Variants in C8G observed in about 807,000 individuals in gnomAD.
The protein encoded by C8G is complement component C8 gamma chain.
A neutral mutation model predicts 29.1 loss-of-function variants in C8G; 38 were observed. The observed-to-expected ratio is 1.31, with a 90% CI of 1.01 to 1.71. The LOEUF (loss-of-function observed/expected upper bound fraction) is 1.71. Ranked by LOEUF, C8G falls within the 40% of genes most tolerant of loss-of-function variation. The probability of loss-of-function intolerance (pLI) is 0.00; values close to 1 mark genes in which losing one functional copy is unlikely to be tolerated. For missense variants in C8G, 300 were observed against 267.4 expected (o/e 1.12, Z -0.85); for synonymous variants, 158 against 113.2 (o/e 1.40, Z -2.51).
intron 4 of C8G, 116 bp from the exon 5 acceptor site, chr9:136,946,349 G>T (rs1403805941): frequency 7.0e-7 from 1 of 1,427,306 alleles, no homozygotes; most frequent in Admixed American, 2.7e-5. Context: ...TGACAGACAG[G>T]CCTGGTGTGG....
chr9:136,945,390 C>T lies in C8G; in HGVS notation c.70C>T (p.Gln24Ter). 6.2e-7 allele frequency: 1 copy of T among 1,611,736 alleles called. No homozygotes were observed. Among genetic ancestry groups the T allele is most frequent in the Non-Finnish European group, 8.5e-7 (1 of 1,179,506 alleles). The stretch of plus-strand genomic sequence containing the variant: ...AGCTGGCTCGCTGGGCCAGAAGCCT[C>T]AGAGGCCACGCCGGCCCGCATCCCC... ...LAAGSLGQKP[Q>*]RPRRPASPIS... The change falls in exon 1 of 7, where the codon CAG (glutamine) becomes TAG (stop). Residue 24 changes from glutamine (Q) to a stop codon, truncating the protein, a stop_gained. Coordinates refer to ENST00000371634, the MANE Select transcript of C8G (RefSeq NM_000606.3). LOFTEE classifies it high-confidence loss of function.
rs192242056 is a variant in C8G at position 136,945,470 on chromosome 9, G to T, written c.138+12G>T. The T allele has an allele frequency of 4.3e-5, 67 of 1,561,756 alleles. No individual in the cohort carries two copies. Among genetic ancestry groups the T allele is most frequent in the Admixed American group, 1.9e-5 (1 of 52,118 alleles). On this transcript the variant is annotated intron_variant, in intron 1 of 6. Transcript: ENST00000371634. ...TTGATGCTCAGCAGGTAGAAGTTGG[G>T]GGGGGTAGAGGGAGGCAGGTAGAAG...
rs767436950 is a variant in C8G, at chr9:136,945,703, G to C, written c.208G>C (p.Ala70Pro). 5 of 1,593,538 alleles carry C rather than the reference G, an allele frequency of 3.1e-6. No homozygotes were observed. The South Asian group carries it at 5.6e-5, about 18-fold the overall frequency. Residue 70 changes from alanine (A) to proline (P), a missense_variant, in exon 2 of 7, where the codon GCC becomes CCC. Ala to Pro is a conservative substitution (Grantham distance 27). Transcript: ENST00000371634. ...CRFLQEQGHR[A>P]EATTLHVAPQ... The stretch of plus-strand genomic sequence containing the variant: ...TTTCCTGCAGGAGCAGGGCCACCGG[G>C]CCGAGGCCACCACACTGCATGTGGC...
Position 136,945,402 on chromosome 9 carries a change from C to G in C8G, c.82C>G (p.Arg28Gly). The G allele has an allele frequency of 6.9e-6, 11 of 1,605,510 alleles. No individual in the cohort carries two copies. Among genetic ancestry groups the G allele is most frequent in the Non-Finnish European group, 8.5e-6 (10 of 1,176,678 alleles). Residue 28 changes from arginine (R) to glycine (G), a missense_variant, in exon 1 of 7, where the codon CGG becomes GGG. Transcript: ENST00000371634. Reference sequence around the variant, plus strand: ...GGGCCAGAAGCCTCAGAGGCCACGCCGGCCCGCATCCCCCATCAGCACCAT... The same window carrying G: ...GGGCCAGAAGCCTCAGAGGCCACGCGGGCCCGCATCCCCCATCAGCACCAT... The part of the protein sequence containing the change: ...SLGQKPQRPR[R>G]PASPISTIQP...
chr9:136,945,600 A>G (rs1425328912), intron 1 of C8G, 34 bp from the exon 2 acceptor site: 1 of 1,599,456 alleles, frequency 6.3e-7, no homozygotes. Flanking sequence ...GCCCTCCCAC[A>G]GTGCCCTCGA....
In C8G at chr9:136,946,815, T is replaced by G. The variant is rs376631714; in HGVS notation, c.*34T>G. 1,063 of 1,552,098 alleles carry G rather than the reference T, an allele frequency of 6.8e-4. 1 individual carries two copies. The highest frequency in any genetic ancestry group is 9.4e-4 in the Admixed American group (49 of 52,312). ...CACAGCTCCAGTGCTGAGAAGTCAGTGCCCCGAGAGACGACCCCACCAGTG... is the reference window on the plus strand; with the variant it reads ...CACAGCTCCAGTGCTGAGAAGTCAGGGCCCCGAGAGACGACCCCACCAGTG... On this transcript the variant is annotated 3_prime_UTR_variant, in exon 7 of 7. Coordinates refer to ENST00000371634, the MANE Select transcript of C8G (RefSeq NM_000606.3).
rs928873430 is a variant in C8G at position 136,945,745 on chromosome 9, A to G, written c.250A>G (p.Met84Val). ...GCATGTGGCTCCCCAGGGCACAGCC[A>G]TGGCTGTCAGTACCTTCCGAAAGCT... ...TLHVAPQGTAMAVSTFRKLDG... is the reference protein window; with the variant it reads ...TLHVAPQGTAVAVSTFRKLDG... Residue 84 changes from methionine (M) to valine (V), a missense_variant, in exon 2 of 7, where the codon ATG becomes GTG. Physicochemically the swap from Met to Val is conservative, Grantham distance 21. Transcript: ENST00000371634. The G allele has an allele frequency of 1.3e-6, 2 of 1,565,466 alleles. No individual in the cohort carries two copies. Among genetic ancestry groups the G allele is most frequent in the East Asian group, 2.4e-5 (1 of 42,460 alleles).
chr9:136,946,331 G>A (rs2131368044), intron 4 of C8G, 134 bp from the exon 5 acceptor site: 1 of 1,394,960 alleles, frequency 7.2e-7, no homozygotes, highest in Non-Finnish European at 9.7e-7. Context: ...CAGGGGCCCA[G>A]GGAGTAGTGA....
At chr9:136,945,602 T>G (rs1322716459) in intron 1 of C8G, 32 bp from the exon 2 acceptor site, 2 of 1,600,208 alleles carry the variant, frequency 1.2e-6, no homozygotes, top group South Asian at 2.2e-5. Context: ...CCTCCCACAG[T>G]GCCCTCGAGT....
intron 3 of C8G, 27 bp downstream of exon 3, chr9:136,946,026 G>T (rs1405363228): frequency 6.3e-7 from 1 of 1,595,388 alleles, no homozygotes; most frequent in East Asian, 2.3e-5. Context: ...AGGGCATGTG[G>T]GTGGGGGATG....
At chr9:136,945,603 GC>G in intron 1 of C8G, 30 bp from the exon 2 acceptor site, 1 of 1,601,266 alleles carries the variant, frequency 6.2e-7, no homozygotes. Context: ...CTCCCACAGT[GC>G]CCTCGAGTTC....
At position 136,945,944 on chromosome 9, in the gene C8G, G is replaced by C. The variant is rs901545046; in HGVS notation, c.291G>C (p.Trp97Cys). 1 of 1,565,234 alleles carries C rather than the reference G, an allele frequency of 6.4e-7. No individual in the cohort carries two copies. The highest frequency in any genetic ancestry group is 8.7e-7 in the Non-Finnish European group (1 of 1,155,234). Reference protein sequence around the residue: ...STFRKLDGICWQVRQLYGDTG... With the variant: ...STFRKLDGICCQVRQLYGDTG... Reference sequence around the variant, plus strand: ...GCCCCCCCAGGGATGGGATCTGCTGGCAGGTGCGCCAGCTCTATGGAGACA... The same window carrying C: ...GCCCCCCCAGGGATGGGATCTGCTGCCAGGTGCGCCAGCTCTATGGAGACA... The change falls in exon 3 of 7, where the codon TGG becomes TGC. Residue 97 changes from tryptophan (W) to cysteine (C), a missense_variant. Trp to Cys is a radical substitution (Grantham distance 215, BLOSUM62 -2). Transcript: ENST00000371634.
chr9:136,946,358 G>T (rs1851039587), intron 4 of C8G, 107 bp from the exon 5 acceptor site: 2 of 1,441,262 alleles, frequency 1.4e-6, no homozygotes, highest in South Asian at 2.8e-5. Flanking sequence ...GGCCTGGTGT[G>T]GGAGCAGGGA....
intron 1 of C8G, 64 bp downstream of exon 1, chr9:136,945,522 T>C (rs1851004841): frequency 6.6e-7 from 1 of 1,523,366 alleles, no homozygotes; most frequent in African/African-American, 1.4e-5. Context: ...GGGAGACAGG[T>C]AGAAGTTGTT....
At chr9:136,945,590 GC>G in intron 1 of C8G, 43 bp from the exon 2 acceptor site, 1 of 1,594,204 alleles carries the variant, frequency 6.3e-7, no homozygotes. Context: ...CAGGTGAGGG[GC>G]CCTCCCACAG....
rs767045118 is a variant in C8G at position 136,945,380 on chromosome 9, C to G, written c.60C>G (p.Gly20=). The G allele has an allele frequency of 1.4e-5, 23 of 1,612,372 alleles. No homozygotes were observed. ...LTLLLAAGSL[G]QKPQRPRRPA... is the part of the protein sequence containing the mutation. ...TGCTCCTGGCAGCTGGCTCGCTGGGCCAGAAGCCTCAGAGGCCACGCCGGC... is the reference window on the plus strand; with the variant it reads ...TGCTCCTGGCAGCTGGCTCGCTGGGGCAGAAGCCTCAGAGGCCACGCCGGC... Residue 20 remains glycine (G), a synonymous_variant, in exon 1 of 7, where the codon GGC becomes GGG. Transcript: ENST00000371634.
chr9:136,945,312 G>A lies in C8G; in HGVS notation c.-9G>A. 6.3e-7 allele frequency: 1 copy of A among 1,596,132 alleles called. No individual in the cohort carries two copies. Among genetic ancestry groups the A allele is most frequent in the East Asian group, 2.2e-5 (1 of 44,534 alleles). ...CCTCCCACAGTCCTGCCACCCTGCT[G>A]CCGCCACCATGCTGCCCCCTGGGAC... On this transcript the variant is annotated 5_prime_UTR_variant, in exon 1 of 7. Transcript: ENST00000371634.
chr9:136,945,788 C>A lies in C8G; in HGVS notation c.275+18C>A, dbSNP rs753211873. On this transcript the variant is annotated intron_variant, in intron 2 of 6. Coordinates refer to ENST00000371634, the MANE Select transcript of C8G (RefSeq NM_000606.3). The stretch of plus-strand genomic sequence containing the variant: ...CGAAAGCTGTGAGTCCCAGAGCAGC[C>A]CTGCACCCTAACCCCAACCCTCCTC... 1.3e-6 allele frequency: 2 copies of A among 1,545,092 alleles called. No homozygotes were observed. The highest frequency in any genetic ancestry group is 1.7e-6 in the Non-Finnish European group (2 of 1,145,242).
chr9:136,946,373 G>T (rs1197438154), intron 4 of C8G, 92 bp from the exon 5 acceptor site: 3 of 1,468,912 alleles, frequency 2.0e-6, no homozygotes, highest in Middle Eastern at 3.6e-4. Flanking sequence ...CAGGGAGAGG[G>T]CCCCGAGGGG....
Sources: gnomAD v4.1 joint callset for allele counts on GRCh38, gnomAD v4.1.1 for gene constraint, MANE v1.5 for transcripts, NCBI Gene and HGNC (gene_info 2026-07-23, HGNC 2026-07-21) for gene names.